The following VPS8 variants were observed in gnomAD, a reference collection of about 807,000 sequenced individuals.
The protein encoded by VPS8 is VPS8 subunit of CORVET complex.
A neutral mutation model predicts 216.4 loss-of-function variants in VPS8; 129 were observed. That is an observed-to-expected ratio of 0.60 (90% confidence interval 0.52 to 0.69). The LOEUF (loss-of-function observed/expected upper bound fraction) is 0.69, where lower values mean the gene tolerates loss of function less well. Among genes scored for constraint, VPS8 ranks in the 30% least tolerant of loss-of-function variants. VPS8 has a pLI of 0.00. For missense variants in VPS8, 1,531 were observed against 1,683.5 expected (o/e 0.91, Z 1.59); for synonymous variants, 571 against 565.4 (o/e 1.01, Z -0.14).
intron 36 of VPS8, among the ~76,000 whole-genome samples, chr3:184,949,594 C>A (rs566678311): frequency 6.6e-6 from 1 of 152,020 alleles, no homozygotes; most frequent in African/African-American, 2.4e-5. Flanking sequence ...TTCCTTCTTG[C>A]CAGAGGAAAG....
chr3:184,874,860 G>T (rs1219035675), intron 21 of VPS8, among the ~76,000 whole-genome samples: 1 of 152,138 alleles, frequency 6.6e-6, no homozygotes, highest in African/African-American at 2.4e-5. Flanking sequence ...CCTAGAGATG[G>T]TAGAAGGCTG....
intron 42 of VPS8, among the ~76,000 whole-genome samples, chr3:184,987,136 C>G (rs539807635): frequency 6.6e-6 from 1 of 152,188 alleles, no homozygotes; most frequent in South Asian, 2.1e-4. Flanking sequence ...TTATTTGAGA[C>G]AGAGTCTCAC....
intron 35 of VPS8, among the ~76,000 whole-genome samples, chr3:184,936,630 T>C (rs888011025): frequency 6.6e-6 from 1 of 151,754 alleles, no homozygotes; most frequent in Non-Finnish European, 1.5e-5. Context: ...CATACAAATA[T>C]GAGCTTCAAA....
Position 184,826,190 on chromosome 3 carries a change from C to G in VPS8, c.181C>G (p.Gln61Glu). 4 of 1,610,662 alleles carry G rather than the reference C, an allele frequency of 2.5e-6. No homozygotes were observed. The highest frequency in any genetic ancestry group is 3.4e-6 in the Non-Finnish European group (4 of 1,178,446). ...TGATGACAAGGAGTTTGATATTCCT[C>G]AAGTTGATACTCCTCCAACACTGGA... The part of the protein sequence containing the change: ...LIDDKEFDIP[Q>E]VDTPPTLESI... The change falls in exon 3 of 48, where the codon CAA becomes GAA. Residue 61 changes from glutamine to glutamate, a missense_variant. By Grantham distance (29) the Gln-to-Glu change is conservative. Coordinates refer to ENST00000625842, the MANE Select transcript of VPS8 (RefSeq NM_001009921.3).
intron 47 of VPS8, among the ~76,000 whole-genome samples, chr3:185,050,848 A>G (rs1245118205): frequency 6.6e-6 from 1 of 152,092 alleles, no homozygotes; most frequent in Non-Finnish European, 1.5e-5. Context: ...ATGTGAGCCT[A>G]CACAGGGTCC....
At chr3:184,998,746 GA>G (rs1752986545) in intron 44 of VPS8, among the ~76,000 whole-genome samples, 1 of 151,984 alleles carries the variant, frequency 6.6e-6, no homozygotes, top group African/African-American at 2.4e-5. Context: ...TTCTTTATAA[GA>G]ATAGCGTAAG....
intron 22 of VPS8, among the ~76,000 whole-genome samples, chr3:184,888,989 T>C (rs1731822110): frequency 6.6e-6 from 1 of 152,194 alleles, no homozygotes; most frequent in Admixed American, 6.5e-5. Context: ...AAAGATTATA[T>C]AGGGAAAAAA....
At chr3:184,917,499 G>T (rs1737809356) in intron 28 of VPS8, among the ~76,000 whole-genome samples, 1 of 151,978 alleles carries the variant, frequency 6.6e-6, no homozygotes. Context: ...GCATGATCTC[G>T]GCTCACTGCA....
intron 35 of VPS8, among the ~76,000 whole-genome samples, chr3:184,938,032 T>G (rs993380651): frequency 2.0e-5 from 3 of 152,014 alleles, no homozygotes; most frequent in Non-Finnish European, 4.4e-5. Context: ...CGGATAGCAG[T>G]GGGGAGAATG....
intron 26 of VPS8, among the ~76,000 whole-genome samples, chr3:184,914,554 A>G (rs1045650195): frequency 1.3e-5 from 2 of 152,102 alleles, no homozygotes; most frequent in African/African-American, 4.8e-5. Flanking sequence ...CTCTTTCCCC[A>G]TCTTTAATAC....
rs1211536871 is a variant in VPS8 at position 184,868,937 on chromosome 3, C to T, written c.1507-9C>T. 2 of 1,598,662 alleles carry T rather than the reference C, an allele frequency of 1.3e-6. No homozygotes were observed. The highest frequency in any genetic ancestry group is 3.5e-5 in the Admixed American group (2 of 57,808). On this transcript the variant is annotated splice_polypyrimidine_tract_variant and intron_variant, in intron 18 of 47. Transcript: ENST00000625842. Reference sequence around the variant, plus strand: ...AAGGGGCCTGGTTTCTCTCATTTTTCCGTTTTAGAGAGTGGATCATCTCCT... The same window carrying T: ...AAGGGGCCTGGTTTCTCTCATTTTTTCGTTTTAGAGAGTGGATCATCTCCT...
chr3:184,976,184 C>T (rs1425017612), intron 40 of VPS8, among the ~76,000 whole-genome samples: 1 of 152,148 alleles, frequency 6.6e-6, no homozygotes, highest in African/African-American at 2.4e-5. Context: ...TTCCTACTCT[C>T]CTCTTCACAT....
rs1363221809 is a variant in VPS8, at chr3:184,898,663, C to G, written c.2094+9C>G. ...TTATTAGTCCAATGGAGGTAAGATA[C>G]TTCCTAACTTGGATACGTAATTAAT... On this transcript the variant is annotated intron_variant, in intron 24 of 47. Transcript: ENST00000625842. 2 of 1,529,394 alleles carry G rather than the reference C, an allele frequency of 1.3e-6. No homozygotes were observed. The highest frequency in any genetic ancestry group is 2.5e-5 in the South Asian group (2 of 79,430). The allele number at this position is 1,529,394 out of a possible 1,614,324, so 94.7% of individuals were successfully genotyped here. A position where few individuals can be genotyped will look rare whatever the true frequency, so the allele number is the denominator to read the frequency against.
intron 4 of VPS8, 26 bp downstream of exon 4, chr3:184,832,845 G>A: frequency 6.3e-7 from 1 of 1,594,798 alleles, no homozygotes. Flanking sequence ...AATCATACTT[G>A]CTTACAGTTG....
At chr3:184,863,162 T>C (rs1726686474) in intron 16 of VPS8, 95 bp downstream of exon 16, 1 of 1,452,280 alleles carries the variant, frequency 6.9e-7, no homozygotes, top group Non-Finnish European at 9.3e-7. Context: ...TCTGGGGAGT[T>C]ACCTTTTTCT....
intron 36 of VPS8, among the ~76,000 whole-genome samples, chr3:184,946,539 CT>C (rs1319138418): frequency 3.9e-5 from 6 of 152,208 alleles, no homozygotes; most frequent in African/African-American, 1.4e-4. Context: ...TTCTCTGCCA[CT>C]TTCTTAAAGC....
intron 1 of VPS8, among the ~76,000 whole-genome samples, chr3:184,818,816 G>A (rs1014381855): frequency 1.3e-5 from 2 of 152,056 alleles, no homozygotes; most frequent in Non-Finnish European, 2.9e-5. Context: ...AGAATGTCAG[G>A]ATTAAACAGG....
rs559246443 is a variant in VPS8, at chr3:184,990,745, C to A, written c.3586-3238C>A. Among the ~76,000 whole-genome samples the A allele has an allele frequency of 2.0e-5, 3 of 152,294 alleles. No individual in the cohort carries two copies. In the East Asian group the frequency reaches 5.8e-4, roughly 29 times the overall value. On this transcript the variant is annotated intron_variant, in intron 42 of 47. Coordinates refer to ENST00000625842, the MANE Select transcript of VPS8 (RefSeq NM_001009921.3). ...CAAGGCGTTTCTCATACCCACCTCACTGTATCAGATCCCCACTGAAAAAAG... is the reference window on the plus strand; with the variant it reads ...CAAGGCGTTTCTCATACCCACCTCAATGTATCAGATCCCCACTGAAAAAAG...
At chr3:184,976,339 A>G (rs1560948724) in intron 40 of VPS8, among the ~76,000 whole-genome samples, 2 of 149,506 alleles carry the variant, frequency 1.3e-5, no homozygotes, top group East Asian at 3.9e-4. Context: ...TTATTCCTAG[A>G]TTTTTATTTT....
Sources: gnomAD v4.1 joint callset for allele counts (sites outside exome capture counted in the v4.1 genomes callset) on GRCh38, gnomAD v4.1.1 for gene constraint, MANE v1.5 for transcripts, NCBI Gene and HGNC (gene_info 2026-07-23, HGNC 2026-07-21) for gene names.